ADGRV1: variants seen among roughly 807,000 people sequenced by gnomAD.
The protein encoded by ADGRV1 is adhesion G protein-coupled receptor V1, also known as G-protein coupled receptor 98.
In ADGRV1, 359 loss-of-function variants were observed where a neutral mutation model predicts 596.2. That is an observed-to-expected ratio of 0.60 (90% CI 0.55 to 0.66). The LOEUF is 0.66. Ranked by LOEUF, ADGRV1 falls within the 30% of genes least tolerant of loss-of-function variation. ADGRV1 has a pLI of 0.00. For synonymous variants in ADGRV1, 2,681 were observed against 2,679.2 expected (o/e 1.00, Z -0.02); for missense variants, 7,274 against 7,575.6 (o/e 0.96, Z 1.48).
In ADGRV1 at chr5:90,653,760, C is replaced by T; in HGVS notation, c.4186C>T (p.Leu1396Phe). 1 of 1,613,246 alleles carries T rather than the reference C, an allele frequency of 6.2e-7. No individual in the cohort carries two copies. The highest frequency in any genetic ancestry group is 8.5e-7 in the Non-Finnish European group (1 of 1,179,554). Reference protein sequence around the residue: ...KIQTNESHVTLSLHYKTLGSN... With the variant: ...KIQTNESHVTFSLHYKTLGSN... The stretch of plus-strand genomic sequence containing the variant: ...ACAAACAAACGAATCCCATGTGACA[C>T]TTTCCCTTCATTATAAAACCTTGGG... Residue 1396 changes from leucine to phenylalanine, a missense_variant, in exon 20 of 90, where the codon CTT becomes TTT. By Grantham distance (22) the Leu-to-Phe change is conservative (BLOSUM62 0). Transcript: ENST00000405460.
intron 80 of ADGRV1, 100 bp from the exon 81 acceptor site, chr5:90,853,962 A>T: frequency 1.2e-6 from 1 of 812,730 alleles, no homozygotes; most frequent in Non-Finnish European, 2.0e-6. Flanking sequence ...AAAACAAATG[A>T]CTGTAGCTAC....
At chr5:91,121,846 C>T (rs1375869781) in intron 87 of ADGRV1, among the ~76,000 whole-genome samples, 1 of 151,834 alleles carries the variant, frequency 6.6e-6, no homozygotes, top group Non-Finnish European at 1.5e-5. Context: ...AAGAGTTGAG[C>T]AACTCTAAAG....
chr5:90,944,801 G>A (rs1776436692), intron 83 of ADGRV1, among the ~76,000 whole-genome samples: 1 of 152,156 alleles, frequency 6.6e-6, no homozygotes, highest in Non-Finnish European at 1.5e-5. Context: ...TCACAGTACA[G>A]TGTTGCTGAA....
At chr5:90,774,847 T>C (rs944984683) in intron 60 of ADGRV1, among the ~76,000 whole-genome samples, 13 of 152,204 alleles carry the variant, frequency 8.5e-5, no homozygotes, top group Admixed American at 7.2e-4. Flanking sequence ...TGATTACCTA[T>C]ATTTTCTAAA....
chr5:90,943,855 C>T (rs1776360100), intron 83 of ADGRV1, among the ~76,000 whole-genome samples: 1 of 152,102 alleles, frequency 6.6e-6, no homozygotes, highest in Non-Finnish European at 1.5e-5. Context: ...TAGAACCCAC[C>T]TCACTTCTGC....
intron 1 of ADGRV1, among the ~76,000 whole-genome samples, chr5:90,565,113 T>C (rs997288524): frequency 2.6e-5 from 4 of 152,118 alleles, no homozygotes; most frequent in African/African-American, 9.7e-5. Flanking sequence ...GGCGGGCGCC[T>C]GTATTGCCAA....
chr5:90,560,348 A>G (rs1754653794), intron 1 of ADGRV1, among the ~76,000 whole-genome samples: 1 of 152,176 alleles, frequency 6.6e-6, no homozygotes, highest in South Asian at 2.1e-4. Context: ...ATGAATAAAT[A>G]TAGCAGTCAC....
intron 84 of ADGRV1, among the ~76,000 whole-genome samples, chr5:90,974,266 C>G (rs1347681558): frequency 2.0e-4 from 30 of 150,556 alleles, no homozygotes; most frequent in Admixed American, 2.0e-3. Context: ...TAAAAATGGC[C>G]ATACTGCCCA....
chr5:90,956,568 C>T (rs867442693), intron 83 of ADGRV1, among the ~76,000 whole-genome samples: 2 of 152,136 alleles, frequency 1.3e-5, no homozygotes, highest in East Asian at 1.9e-4. Context: ...TCCAAATCTA[C>T]GTGTAAAATT....
intron 5 of ADGRV1, among the ~76,000 whole-genome samples, chr5:90,624,520 A>G (rs1372792348): frequency 6.6e-6 from 1 of 152,132 alleles, no homozygotes; most frequent in Non-Finnish European, 1.5e-5. Flanking sequence ...TTATTACTGC[A>G]TACGTATAGC....
In ADGRV1 at chr5:90,618,018, T is replaced by C; in HGVS notation, c.357+65T>C. 2.4e-6 allele frequency: 3 copies of C among 1,262,690 alleles called. No individual in the cohort carries two copies. The South Asian group carries it at 4.8e-5, about 20-fold the overall frequency. The allele number at this position is 1,262,690 out of a possible 1,614,324, so 78.2% of individuals were successfully genotyped here. ...ACTTATAAAACTTATAAAAATCTTT[T>C]AGTGCTTAACAATCTATCTATCTAG... On this transcript the variant is annotated intron_variant, in intron 3 of 89. Coordinates refer to ENST00000405460, the MANE Select transcript of ADGRV1 (RefSeq NM_032119.4).
intron 74 of ADGRV1, among the ~76,000 whole-genome samples, chr5:90,812,767 T>C (rs979719863): frequency 6.6e-6 from 1 of 152,170 alleles, no homozygotes; most frequent in Non-Finnish European, 1.5e-5. Context: ...TGTAAATTCT[T>C]ATTCTATTCT....
At chr5:91,070,935 A>T (rs1212494209) in intron 85 of ADGRV1, among the ~76,000 whole-genome samples, 1 of 152,160 alleles carries the variant, frequency 6.6e-6, no homozygotes, top group East Asian at 1.9e-4. Flanking sequence ...GAGCCCTGGG[A>T]ATCCTCAGAT....
At chr5:90,844,074 A>G (rs1246880804) in intron 78 of ADGRV1, among the ~76,000 whole-genome samples, 1 of 152,196 alleles carries the variant, frequency 6.6e-6, no homozygotes, top group Non-Finnish European at 1.5e-5. Flanking sequence ...TATTTGGGAC[A>G]TATTTATACC....
In ADGRV1 at chr5:90,628,663, C is replaced by T. The variant is rs1160713393; in HGVS notation, c.1340C>T (p.Ala447Val). Reference protein sequence around the residue: ...RNSTDPSPVTADIRPSSGVLH... With the variant: ...RNSTDPSPVTVDIRPSSGVLH... ...AGCACTGATCCCTCACCAGTAACAG[C>T]AGATATCAGACCGAGCTCTGGAGTT... Residue 447 changes from alanine (A) to valine (V), a missense_variant, in exon 8 of 90, where the codon GCA (alanine) becomes GTA (valine). Ala to Val is a moderately conservative substitution (Grantham distance 64). Around this residue, in one of 5 missense-constraint regions of ADGRV1, gnomAD observed 1,715 missense variants for 1,708.8 expected, o/e 1.00. Transcript: ENST00000405460. The T allele has an allele frequency of 6.2e-7, 1 of 1,613,858 alleles. No individual in the cohort carries two copies. Among genetic ancestry groups the T allele is most frequent in the African/African-American group, 1.3e-5 (1 of 74,922 alleles).
chr5:91,140,906 C>T (rs1795043411), intron 87 of ADGRV1, among the ~76,000 whole-genome samples: 2 of 152,096 alleles, frequency 1.3e-5, no homozygotes, highest in African/African-American at 2.4e-5. Context: ...GTAAAATAGG[C>T]TCAAAAGGAA....
At chr5:90,966,414 C>T (rs1188602727) in intron 84 of ADGRV1, among the ~76,000 whole-genome samples, 2 of 151,732 alleles carry the variant, frequency 1.3e-5, no homozygotes, top group African/African-American at 4.8e-5. Context: ...CACCTATAAT[C>T]CCAGCTACTA....
At chr5:90,580,749 T>A (rs534758858) in intron 1 of ADGRV1, among the ~76,000 whole-genome samples, 1 of 152,214 alleles carries the variant, frequency 6.6e-6, no homozygotes, top group Non-Finnish European at 1.5e-5. Context: ...AATCTGACAG[T>A]TATGTGTGTT....
intron 58 of ADGRV1, among the ~76,000 whole-genome samples, chr5:90,762,453 G>A (rs945071405): frequency 1.3e-5 from 2 of 152,146 alleles, no homozygotes; most frequent in Non-Finnish European, 2.9e-5. Flanking sequence ...AACAAAACAA[G>A]ATTGTATTGC....
Sources: allele counts gnomAD v4.1 joint callset (sites outside exome capture counted in the v4.1 genomes callset), GRCh38; gene constraint gnomAD v4.1.1; regional missense constraint gnomAD v4.1.1; transcripts MANE v1.5; gene names NCBI Gene and HGNC (gene_info 2026-07-23, HGNC 2026-07-21).